AAK1: variants seen among roughly 807,000 people sequenced by gnomAD.
The protein encoded by AAK1 is AP2-associated protein kinase 1.
In AAK1, 37 loss-of-function variants were observed where a neutral mutation model predicts 116.0. The ratio of observed to expected loss-of-function variants is 0.32; its 90% CI spans 0.25 to 0.42. The LOEUF (loss-of-function observed/expected upper bound fraction) is 0.42, where lower values mean the gene tolerates loss of function less well. Ranked by LOEUF, AAK1 falls within the 10% of genes least tolerant of loss-of-function variation. The probability of loss-of-function intolerance (pLI) is 1.00; values close to 1 mark genes in which losing one functional copy is unlikely to be tolerated. For missense variants in AAK1, 919 were observed against 1,170.6 expected (o/e 0.79, Z 3.14); for synonymous variants, 458 against 439.9 (o/e 1.04, Z -0.51).
chr2:69,474,316 A>T lies in AAK1; in HGVS notation c.*1553T>A. On this transcript the variant is annotated 3_prime_UTR_variant, in exon 22 of 22. Transcript: ENST00000409085. ...AGAGTTTCCCTTTTGATGATGGACA[A>T]TGGCACTAGAGGAAAAGAACAGGAG... 8 of 985,874 alleles carry T rather than the reference A, an allele frequency of 8.1e-6. No individual in the cohort carries two copies. Among genetic ancestry groups the T allele is most frequent in the Non-Finnish European group, 8.4e-6 (7 of 829,938 alleles). 61.1% of individuals were successfully genotyped at this position (985,874 alleles called of 1,614,324 possible).
intron 10 of AAK1, among the ~76,000 whole-genome samples, chr2:69,524,265 T>G (rs1056020159): frequency 1.3e-5 from 2 of 152,154 alleles, no homozygotes; most frequent in African/African-American, 2.4e-5. Context: ...TAAAAAGAGA[T>G]AGGGTCTCAC....
chr2:69,625,808 T>C (rs1404287246), intron 2 of AAK1, among the ~76,000 whole-genome samples: 1 of 152,234 alleles, frequency 6.6e-6, no homozygotes, highest in African/African-American at 2.4e-5. Context: ...CAACAATGAG[T>C]TGTCTCAAAT....
In AAK1 at chr2:69,514,627, T is replaced by TTGC. The variant is rs1558925418; in HGVS notation, c.1619_1620insGCA (p.Gln546dup). 6.3e-7 allele frequency: 1 copy of TTGC among 1,598,228 alleles called. No homozygotes were observed. Among genetic ancestry groups the TTGC allele is most frequent in the South Asian group, 1.1e-5 (1 of 88,748 alleles). On this transcript the variant is annotated inframe_insertion, in exon 13 of 22. Transcript: ENST00000409085. Reference sequence around the variant, plus strand: ...TGGCCAGCTGTTGCTGTTGCTGTTGTTGTTGCTGCTGCTGCTGCTGCTGGT... The same window carrying TTGC: ...TGGCCAGCTGTTGCTGTTGCTGTTGTTGCTGTTGCTGCTGCTGCTGCTGCTGGT...
Position 69,643,085 on chromosome 2 carries a change from A to C in AAK1, c.-45T>G. 7.9e-7 allele frequency: 1 copy of C among 1,264,788 alleles called. No homozygotes were observed. The allele number at this position is 1,264,788 out of a possible 1,614,324, so 78.3% of individuals were successfully genotyped here. On this transcript the variant is annotated 5_prime_UTR_variant, in exon 2 of 22. Coordinates refer to ENST00000409085, the MANE Select transcript of AAK1 (RefSeq NM_014911.5). ...AAAGCAAAATACCGATGGTTTCTAGATTTTTTTTTTTTTTTTTTTTTTTTA... is the reference window on the plus strand; with the variant it reads ...AAAGCAAAATACCGATGGTTTCTAGCTTTTTTTTTTTTTTTTTTTTTTTTA...
chr2:69,483,994 T>C (rs1249000558), intron 17 of AAK1, among the ~76,000 whole-genome samples: 1 of 152,220 alleles, frequency 6.6e-6, no homozygotes, highest in Non-Finnish European at 1.5e-5. Context: ...TAGAATCTTA[T>C]AGGAAGAAGG....
At chr2:69,593,153 T>C (rs1260469295) in intron 2 of AAK1, among the ~76,000 whole-genome samples, 1 of 152,216 alleles carries the variant, frequency 6.6e-6, no homozygotes, top group African/African-American at 2.4e-5. Flanking sequence ...AAAGTAGACA[T>C]CCATTGATCC....
intron 2 of AAK1, among the ~76,000 whole-genome samples, chr2:69,559,314 A>G (rs1049970964): frequency 6.6e-6 from 1 of 150,518 alleles, no homozygotes; most frequent in South Asian, 2.1e-4. Context: ...TCTCTCCTCA[A>G]TTCTAAAATG....
intron 2 of AAK1, among the ~76,000 whole-genome samples, chr2:69,589,736 A>G (rs1056482969): frequency 2.6e-5 from 4 of 151,466 alleles, no homozygotes; most frequent in Non-Finnish European, 5.9e-5. Context: ...AAAAGAAAGA[A>G]AGAAAGTAAA....
In AAK1 at chr2:69,472,989, G is replaced by A. The variant is rs944323437; in HGVS notation, c.*2880C>T. On this transcript the variant is annotated 3_prime_UTR_variant, in exon 22 of 22. Coordinates refer to ENST00000409085, the MANE Select transcript of AAK1 (RefSeq NM_014911.5). ...TACCGTAATAGCAGGAACTACAGAA[G>A]ATAACTGAAGAACATCAGGATTATA... 3.0e-6 allele frequency: 3 copies of A among 983,734 alleles called. No individual in the cohort carries two copies. In the African/African-American group the frequency reaches 5.2e-5, roughly 17 times the overall value. The allele number at this position is 983,734 out of a possible 1,614,324, so 60.9% of individuals were successfully genotyped here. A position where few individuals can be genotyped will look rare whatever the true frequency, so the allele number is the denominator to read the frequency against.
chr2:69,569,646 C>A (rs1327652222), intron 2 of AAK1, among the ~76,000 whole-genome samples: 1 of 152,048 alleles, frequency 6.6e-6, no homozygotes, highest in Non-Finnish European at 1.5e-5. Flanking sequence ...CCAGACAATC[C>A]CACCCAAATC....
At chr2:69,578,026 A>G (rs1466539892) in intron 2 of AAK1, among the ~76,000 whole-genome samples, 1 of 152,190 alleles carries the variant, frequency 6.6e-6, no homozygotes, top group African/African-American at 2.4e-5. Flanking sequence ...GGAAGAATTC[A>G]TTGCATTCTC....
At chr2:69,617,056 T>A (rs1244017498) in intron 2 of AAK1, among the ~76,000 whole-genome samples, 1 of 152,142 alleles carries the variant, frequency 6.6e-6, no homozygotes, top group African/African-American at 2.4e-5. Context: ...TAGAAGGATG[T>A]CCTTAAGGTA....
At position 69,639,144 on chromosome 2, in the gene AAK1, G is replaced by A. The variant is rs945240810; in HGVS notation, c.163+3734C>T. Among the ~76,000 whole-genome samples, 92 of 152,190 alleles carry A rather than the reference G, an allele frequency of 6.0e-4. 3 individuals are homozygous for A. Among genetic ancestry groups the A allele is most frequent in the Non-Finnish European group, 2.9e-5 (2 of 68,032 alleles). On this transcript the variant is annotated intron_variant, in intron 2 of 21. Transcript: ENST00000409085. ...ACCTGGATTCCTTGAATATAAATTA[G>A]AAAGCTGTTCTGAGGAGCCATCTAG...
intron 2 of AAK1, among the ~76,000 whole-genome samples, chr2:69,618,803 C>CTACA (rs1407994434): frequency 6.6e-6 from 1 of 152,180 alleles, no homozygotes; most frequent in African/African-American, 2.4e-5. Context: ...TCTCAATGAC[C>CTACA]TACACATCCA....
In AAK1 at chr2:69,479,012, G is replaced by T. The variant is rs1226760588; in HGVS notation, c.2619C>A (p.Asn873Lys). 5.0e-6 allele frequency: 8 copies of T among 1,613,948 alleles called. No individual in the cohort carries two copies. The East Asian group carries it at 1.6e-4, about 31-fold the overall frequency. ...DSLLDCSLLSNPTTDLLEEFA... is the reference protein window; with the variant it reads ...DSLLDCSLLSKPTTDLLEEFA... ...ACTCTTCCAGAAGGTCAGTAGTAGG[G>T]TTAGAGAGCAGAGAGCAATCAAGCA... Residue 873 changes from asparagine (N) to lysine (K), a missense_variant, in exon 20 of 22, where the codon AAC (asparagine) becomes AAA (lysine). By Grantham distance (94) the Asn-to-Lys change is moderately conservative (BLOSUM62 0). Transcript: ENST00000409085.
At chr2:69,577,349 G>A (rs549244055) in intron 2 of AAK1, among the ~76,000 whole-genome samples, 5 of 152,334 alleles carry the variant, frequency 3.3e-5, no homozygotes, top group Admixed American at 2.0e-4. Context: ...ATGAGACACC[G>A]CAAGGTAAGA....
chr2:69,609,906 C>T (rs545981005), intron 2 of AAK1, among the ~76,000 whole-genome samples: 2 of 151,526 alleles, frequency 1.3e-5, no homozygotes, highest in South Asian at 2.1e-4. Flanking sequence ...AAAAATTAGC[C>T]GAGCATGGTG....
At chr2:69,521,938 C>T (rs564663117) in intron 10 of AAK1, among the ~76,000 whole-genome samples, 16 of 152,358 alleles carry the variant, frequency 1.1e-4, no homozygotes, top group Admixed American at 2.6e-4. Flanking sequence ...TGGCCTTGGA[C>T]TACTTACCTC....
At chr2:69,532,392 G>A (rs1670296339) in intron 5 of AAK1, among the ~76,000 whole-genome samples, 1 of 152,070 alleles carries the variant, frequency 6.6e-6, no homozygotes, top group Admixed American at 6.6e-5. Flanking sequence ...GAAACTCCAC[G>A]GTGGGGGATG....
Sources: allele counts gnomAD v4.1 joint callset (sites outside exome capture counted in the v4.1 genomes callset), GRCh38; gene constraint gnomAD v4.1.1; transcripts MANE v1.5; gene names NCBI Gene and HGNC (gene_info 2026-07-23, HGNC 2026-07-21).